PTDSS2: variants seen among roughly 807,000 people sequenced by gnomAD.
The protein encoded by PTDSS2 is PSS-2.
A neutral mutation model predicts 64.7 loss-of-function variants in PTDSS2; 41 were observed. That is an observed-to-expected ratio of 0.63 (90% CI 0.49 to 0.82). PTDSS2 has a LOEUF of 0.82. PTDSS2 is among the 40% of genes least tolerant of loss of function. The pLI is 0.00. For missense variants in PTDSS2, 485 were observed against 650.0 expected (o/e 0.75, Z 2.76); for synonymous variants, 297 against 277.8 (o/e 1.07, Z -0.69).
chr11:476,761 G>A lies in PTDSS2; in HGVS notation c.368-2324G>A, dbSNP rs1408997734. On this transcript the variant is annotated intron_variant, in intron 3 of 11. Transcript: ENST00000308020. This position sits in a 1 kb window ranked among gnomAD's most constrained non-coding sequence, Gnocchi z 4.9. ...GAGTTGTGGCTCGTCCCCTCCCACT[G>A]GGCAGGACTGGGGGTTCCTGGGGTG... 6.6e-6 allele frequency among the ~76,000 whole-genome samples: 1 copy of A among 152,168 alleles called. No individual in the cohort carries two copies. The highest frequency in any genetic ancestry group is 6.5e-5 in the Admixed American group (1 of 15,278).
intron 11 of PTDSS2, 77 bp from the exon 12 acceptor site, chr11:490,343 C>T (rs1848616994): frequency 1.3e-6 from 2 of 1,591,798 alleles, no homozygotes; most frequent in Non-Finnish European, 8.6e-7. Flanking sequence ...TCCACAGGGA[C>T]TAGGTGCCAG....
At chr11:464,738 C>T (rs918552372) in intron 2 of PTDSS2, among the ~76,000 whole-genome samples, 2 of 152,246 alleles carry the variant, frequency 1.3e-5, no homozygotes, top group Non-Finnish European at 1.5e-5. Context: ...CAGCTTTCCT[C>T]ACCAGTCCAT....
At chr11:484,512 G>T (rs1441468141) in intron 4 of PTDSS2, among the ~76,000 whole-genome samples, 1 of 152,098 alleles carries the variant, frequency 6.6e-6, no homozygotes, top group Non-Finnish European at 1.5e-5. Flanking sequence ...GCAGGGGTGC[G>T]TGTGTGCTGT....
Position 479,030 on chromosome 11 carries a change from G to C in PTDSS2, c.368-55G>C, listed in dbSNP as rs916648158. ...GCCAGGAGCCGGCCTGGGGCTGAGCGGGGCCGTGGAGGCCTGGACCGGGCG... is the reference window on the plus strand; with the variant it reads ...GCCAGGAGCCGGCCTGGGGCTGAGCCGGGCCGTGGAGGCCTGGACCGGGCG... On this transcript the variant is annotated intron_variant, in intron 3 of 11. Coordinates refer to ENST00000308020, the MANE Select transcript of PTDSS2 (RefSeq NM_030783.3). The surrounding 1 kb of genome is among the most constrained non-coding windows in gnomAD (Gnocchi z 4.2). 1 of 1,475,170 alleles carries C rather than the reference G, an allele frequency of 6.8e-7. No individual in the cohort carries two copies. The highest frequency in any genetic ancestry group is 9.5e-7 in the Non-Finnish European group (1 of 1,053,626). The allele number at this position is 1,475,170 out of a possible 1,614,324, so 91.4% of individuals were successfully genotyped here.
intron 1 of PTDSS2, among the ~76,000 whole-genome samples, chr11:452,610 TG>T (rs1313142629): frequency 2.6e-5 from 4 of 152,188 alleles, no homozygotes; most frequent in African/African-American, 9.7e-5. Flanking sequence ...ACCTCCTTCC[TG>T]GGTCTTCTGG....
intron 4 of PTDSS2, among the ~76,000 whole-genome samples, chr11:484,768 GGT>G (rs1160468493): frequency 7.2e-5 from 10 of 138,450 alleles, no homozygotes; most frequent in African/African-American, 1.7e-4. Context: ...TAAGTGCACG[GGT>G]GTGTGTGCTG....
intron 1 of PTDSS2, among the ~76,000 whole-genome samples, chr11:456,609 C>T (rs560562915): frequency 6.6e-6 from 1 of 152,322 alleles, no homozygotes; most frequent in East Asian, 1.9e-4. Context: ...CTCCTGGGCC[C>T]CAGCTGAGCC....
At chr11:468,751 A>T (rs1370247207) in intron 2 of PTDSS2, among the ~76,000 whole-genome samples, 2 of 151,710 alleles carry the variant, frequency 1.3e-5, no homozygotes, top group Non-Finnish European at 2.9e-5. Flanking sequence ...TCTCTGGGTA[A>T]TCAGAGGGAG....
At chr11:452,162 C>A (rs1846360545) in intron 1 of PTDSS2, among the ~76,000 whole-genome samples, 1 of 152,172 alleles carries the variant, frequency 6.6e-6, no homozygotes, top group African/African-American at 2.4e-5. Flanking sequence ...AACAGACGGG[C>A]TCCTCTGAGG....
intron 1 of PTDSS2, chr11:451,400 G>C: frequency 2.2e-6 from 1 of 448,552 alleles, no homozygotes; most frequent in Non-Finnish European, 4.5e-6. Context: ...ACCCTGGGCT[G>C]GCCCTTTGCC....
rs139800005 is a variant in PTDSS2 at position 490,809 on chromosome 11, C to T, written c.*227C>T. ...GTATGCGTGTGTGTACGCGTGTGTA[C>T]GCGCGTGTGTACACATGCGTGGCCG... On this transcript the variant is annotated 3_prime_UTR_variant, in exon 12 of 12. Coordinates refer to ENST00000308020, the MANE Select transcript of PTDSS2 (RefSeq NM_030783.3). 5.4e-4 allele frequency: 303 copies of T among 564,158 alleles called. No homozygotes were observed. The highest frequency in any genetic ancestry group is 1.2e-3 in the East Asian group (43 of 34,922). The allele number at this position is 564,158 out of a possible 1,614,324, so 34.9% of individuals were successfully genotyped here. A position where few individuals can be genotyped will look rare whatever the true frequency, so the allele number is the denominator to read the frequency against.
At chr11:468,512 A>C (rs1847244923) in intron 2 of PTDSS2, among the ~76,000 whole-genome samples, 1 of 152,242 alleles carries the variant, frequency 6.6e-6, no homozygotes, top group African/African-American at 2.4e-5. Context: ...AAGAATCTTA[A>C]CTACTGCAGA....
intron 1 of PTDSS2, among the ~76,000 whole-genome samples, chr11:450,888 G>C (rs1846290236): frequency 3.9e-5 from 6 of 151,910 alleles, no homozygotes; most frequent in Admixed American, 3.3e-4. Context: ...CCCTGCGGCC[G>C]CTTTGCGTCT....
intron 3 of PTDSS2, among the ~76,000 whole-genome samples, chr11:477,911 C>A (rs1409057690): frequency 6.6e-6 from 1 of 152,260 alleles, no homozygotes; most frequent in East Asian, 1.9e-4. Flanking sequence ...TCCCAGACCT[C>A]CCTGTGCAGC....
intron 1 of PTDSS2, among the ~76,000 whole-genome samples, chr11:451,691 A>G (rs1448813603): frequency 1.3e-5 from 2 of 152,110 alleles, no homozygotes; most frequent in African/African-American, 4.8e-5. Flanking sequence ...TGGAGGAGTA[A>G]GGGACTTGTC....
chr11:464,932 G>C (rs767860567), intron 2 of PTDSS2, among the ~76,000 whole-genome samples: 1 of 152,098 alleles, frequency 6.6e-6, no homozygotes, highest in African/African-American at 2.4e-5. Context: ...GTTGGACACA[G>C]AAACTACACA....
chr11:486,535 G>A lies in PTDSS2; in HGVS notation c.436-404G>A, dbSNP rs117727740. ...CGCTGCCCTCCTCCAGGGTGACTGA[G>A]ATGCAGTTTACAACCATGATCTCCT... is the stretch of plus-strand genomic sequence containing the variant. On this transcript the variant is annotated intron_variant, in intron 4 of 11. Transcript: ENST00000308020. Among the ~76,000 whole-genome samples, 393 of 152,314 alleles carry A rather than the reference G, an allele frequency of 2.6e-3. 12 individuals carry two copies. The East Asian group carries it at 0.065, about 25-fold the overall frequency.
At chr11:484,204 A>G (rs4963194) in intron 4 of PTDSS2, among the ~76,000 whole-genome samples, 83,962 of 152,056 alleles carry the variant, frequency 0.55, 23,914 homozygotes, top group African/African-American at 0.69. Flanking sequence ...GCCAAAAGGA[A>G]TTTCCACGTG....
In PTDSS2 at chr11:489,725, G is replaced by T. The variant is rs774171045; in HGVS notation, c.1107G>T (p.Met369Ile). The T allele has an allele frequency of 6.2e-7, 1 of 1,608,920 alleles. No homozygotes were observed. Residue 369 changes from methionine (M) to isoleucine (I), a missense_variant, in exon 10 of 12, where the codon ATG (methionine) becomes ATT (isoleucine). Physicochemically the swap from Met to Ile is conservative, Grantham distance 10. This residue lies in a region of PTDSS2 where 219 missense variants were observed against 257.3 expected (regional missense o/e 0.85). Coordinates refer to ENST00000308020, the MANE Select transcript of PTDSS2 (RefSeq NM_030783.3). ...GVAMREIYDF[M>I]DDPKPHKKLG... The stretch of plus-strand genomic sequence containing the variant: ...CCATGCGTGAGATCTACGACTTCAT[G>T]GATGACCCGTGAGGGCTGCGGCAGT...
Sources: allele counts gnomAD v4.1 joint callset (sites outside exome capture counted in the v4.1 genomes callset), GRCh38; gene constraint gnomAD v4.1.1; regional missense constraint gnomAD v4.1.1; non-coding constraint Gnocchi (gnomAD v3.1); transcripts MANE v1.5; gene names NCBI Gene and HGNC (gene_info 2026-07-23, HGNC 2026-07-21).